Variants in ACSF2 observed in about 807,000 individuals in gnomAD.
ACSF2 encodes the protein medium-chain acyl-CoA ligase ACSF2, mitochondrial.
ACSF2 carries 52 observed loss-of-function variants against 79.3 expected under a neutral mutation model. That is an observed-to-expected ratio of 0.66 (90% CI 0.53 to 0.83). The LOEUF (loss-of-function observed/expected upper bound fraction) is 0.83, where lower values mean the gene tolerates loss of function less well. Among genes scored for constraint, ACSF2 ranks in the 40% least tolerant of loss-of-function variants. The pLI, the probability that ACSF2 is intolerant of heterozygous loss-of-function variation, is 0.00. For missense variants in ACSF2, 661 were observed against 803.3 expected (o/e 0.82, Z 2.14); for synonymous variants, 283 against 312.6 (o/e 0.91, Z 1.00).
chr17:50,438,581 T>G (rs958216241), intron 1 of ACSF2, among the ~76,000 whole-genome samples: 21 of 152,144 alleles, frequency 1.4e-4, no homozygotes, highest in African/African-American at 3.1e-4. Flanking sequence ...TTCTTTTTTT[T>G]TGGGAGATGG....
chr17:50,439,131 C>T (rs1054556574), intron 1 of ACSF2, among the ~76,000 whole-genome samples: 1 of 149,758 alleles, frequency 6.7e-6, no homozygotes, highest in Non-Finnish European at 1.5e-5. Flanking sequence ...AGTGCAATGA[C>T]GCCATCATGG....
intron 10 of ACSF2, chr17:50,468,053 GTGT>G: frequency 6.3e-7 from 1 of 1,593,976 alleles, no homozygotes; most frequent in East Asian, 2.2e-5. Flanking sequence ...CTCCAGGTTG[GTGT>G]TGTCCAGCCA....
rs1388438677 is a variant in ACSF2, at chr17:50,474,138, T to A, written c.1729-61T>A. On this transcript the variant is annotated intron_variant, in intron 14 of 15. Coordinates refer to ENST00000300441, the MANE Select transcript of ACSF2 (RefSeq NM_025149.6). This position sits in a 1 kb window ranked among gnomAD's most constrained non-coding sequence, Gnocchi z 4.2. Reference sequence around the variant, plus strand: ...CTGGCCAGGCCAGCCCCTGGTCCCCTACCCATACCCCTGTGAGCTTGCGCA... The same window carrying A: ...CTGGCCAGGCCAGCCCCTGGTCCCCAACCCATACCCCTGTGAGCTTGCGCA... 1.9e-6 allele frequency: 3 copies of A among 1,606,744 alleles called. No individual in the cohort carries two copies. The highest frequency in any genetic ancestry group is 2.6e-6 in the Non-Finnish European group (3 of 1,173,394).
intron 1 of ACSF2, among the ~76,000 whole-genome samples, chr17:50,451,505 A>G (rs2059146207): frequency 6.6e-6 from 1 of 152,142 alleles, no homozygotes; most frequent in African/African-American, 2.4e-5. Context: ...GCTGGAGTGC[A>G]ATGGCACAAT....
chr17:50,443,068 C>G (rs910538031), intron 1 of ACSF2, among the ~76,000 whole-genome samples: 15 of 152,070 alleles, frequency 9.9e-5, no homozygotes, highest in Non-Finnish European at 1.8e-4. Context: ...CGCCACCATG[C>G]CCGGCTAATT....
intron 10 of ACSF2, chr17:50,469,863 C>G (rs1003741037): frequency 2.0e-5 from 3 of 152,308 alleles, no homozygotes; most frequent in African/African-American, 7.2e-5. Context: ...CTGGACGGCT[C>G]TGGCTGCCAG....
At chr17:50,443,070 C>T (rs2031052776) in intron 1 of ACSF2, among the ~76,000 whole-genome samples, 3 of 152,014 alleles carry the variant, frequency 2.0e-5, no homozygotes, top group Admixed American at 6.6e-5. Context: ...CCACCATGCC[C>T]GGCTAATTTT....
chr17:50,471,089 T>C lies in ACSF2; in HGVS notation c.1277T>C (p.Val426Ala). ...VTFAHFPEDTVEQKAESVGRI... is the reference protein window; with the variant it reads ...VTFAHFPEDTAEQKAESVGRI... ...TTCGCGCACTTCCCTGAGGACACTG[T>C]GGAGCAGAAGGCAGAAAGCGTGGGC... The change falls in exon 11 of 16, where the codon GTG (valine) becomes GCG (alanine). Residue 426 changes from valine to alanine, a missense_variant. Val to Ala is a moderately conservative substitution (Grantham distance 64). Transcript: ENST00000300441. The surrounding 1 kb of genome is among the most constrained non-coding windows in gnomAD (Gnocchi z 4.1). The C allele has an allele frequency of 6.2e-7, 1 of 1,613,846 alleles. No homozygotes were observed. Among genetic ancestry groups the C allele is most frequent in the Non-Finnish European group, 8.5e-7 (1 of 1,179,966 alleles).
rs199678954 is a variant in ACSF2, at chr17:50,462,494, C to T, written c.701C>T (p.Ala234Val). 404 of 1,613,852 alleles carry T rather than the reference C, an allele frequency of 2.5e-4. 1 individual carries two copies. Among genetic ancestry groups the T allele is most frequent in the Non-Finnish European group, 2.9e-4 (346 of 1,179,980 alleles). Residue 234 changes from alanine to valine, a missense_variant, in exon 6 of 16, where the codon GCG becomes GTG. By Grantham distance (64) the Ala-to-Val change is moderately conservative. Transcript: ENST00000300441. ...ACCCTGCTCCTGGATGAAGTGGTGG[C>T]GGCTGGCAGCACACGGCAGCATCTG... ...PGTLLLDEVV[A>V]AGSTRQHLDQ...
chr17:50,468,250 G>A (rs1234333381), intron 10 of ACSF2: 6 of 1,611,642 alleles, frequency 3.7e-6, no homozygotes, highest in South Asian at 3.3e-5. Context: ...CCAGGGCCCC[G>A]GGCTGCAGGG....
At position 50,471,102 on chromosome 17, in the gene ACSF2, A is replaced by C; in HGVS notation, c.1290A>C (p.Ala430=). The C allele has an allele frequency of 6.2e-7, 1 of 1,614,072 alleles. No homozygotes were observed. ...HFPEDTVEQK[A]ESVGRIMPHT... is the part of the protein sequence containing the mutation. Reference sequence around the variant, plus strand: ...CTGAGGACACTGTGGAGCAGAAGGCAGAAAGCGTGGGCAGAATTATGCCTC... The same window carrying C: ...CTGAGGACACTGTGGAGCAGAAGGCCGAAAGCGTGGGCAGAATTATGCCTC... The change falls in exon 11 of 16, where the codon GCA becomes GCC. Residue 430 remains alanine, a synonymous_variant. Transcript: ENST00000300441. The surrounding 1 kb of genome is among the most constrained non-coding windows in gnomAD (Gnocchi z 4.1).
intron 1 of ACSF2, among the ~76,000 whole-genome samples, chr17:50,439,860 T>G (rs2030753318): frequency 6.6e-6 from 1 of 152,156 alleles, no homozygotes; most frequent in Non-Finnish European, 1.5e-5. Context: ...CGTTGTGGTT[T>G]TAATTTATAC....
rs1444828607 is a variant in ACSF2 at position 50,471,578 on chromosome 17, G to A, written c.1323+443G>A. ...CCCAAGCAGCCTATCCCTTTGGGGCGGTCCCTTTGCCCCTCAAAGGTTGCC... is the reference window on the plus strand; with the variant it reads ...CCCAAGCAGCCTATCCCTTTGGGGCAGTCCCTTTGCCCCTCAAAGGTTGCC... On this transcript the variant is annotated intron_variant, in intron 11 of 15. Coordinates refer to ENST00000300441, the MANE Select transcript of ACSF2 (RefSeq NM_025149.6). This position sits in a 1 kb window ranked among gnomAD's most constrained non-coding sequence, Gnocchi z 4.1. 14 of 183,794 alleles carry A rather than the reference G, an allele frequency of 7.6e-5. No individual in the cohort carries two copies. The highest frequency in any genetic ancestry group is 1.4e-4 in the East Asian group (1 of 7,316). The allele number at this position is 183,794 out of a possible 1,614,324, so 11.4% of individuals were successfully genotyped here. A position where few individuals can be genotyped will look rare whatever the true frequency, so the allele number is the denominator to read the frequency against.
chr17:50,473,623 A>G, intron 12 of ACSF2, 42 bp from the exon 13 acceptor site: 19 of 1,613,194 alleles, frequency 1.2e-5, no homozygotes, highest in Non-Finnish European at 1.6e-5. Flanking sequence ...AAGTGAGTGA[A>G]CAAGGCAGAG....
intron 1 of ACSF2, among the ~76,000 whole-genome samples, chr17:50,451,608 C>T (rs1481146957): frequency 6.6e-6 from 1 of 152,194 alleles, no homozygotes; most frequent in East Asian, 1.9e-4. Context: ...CATAACCACA[C>T]CCGGCTAATT....
In ACSF2 at chr17:50,441,235, T is replaced by C. The variant is rs542878690; in HGVS notation, c.128+14846T>C. On this transcript the variant is annotated intron_variant, in intron 1 of 15. Transcript: ENST00000300441. ...ACACCCAGGCTGTGCAGTGGCACGA[T>C]GTCGGCTCACTGCAGCCTTGATCTC... Among the ~76,000 whole-genome samples the C allele has an allele frequency of 2.0e-5, 3 of 152,392 alleles. No individual in the cohort carries two copies. The East Asian group carries it at 5.8e-4, about 29-fold the overall frequency.
intron 1 of ACSF2, among the ~76,000 whole-genome samples, chr17:50,445,276 T>G (rs1344811458): frequency 6.6e-6 from 1 of 152,150 alleles, no homozygotes; most frequent in African/African-American, 2.4e-5. Context: ...AACTTTTTCA[T>G]CTCAGTGTTC....
intron 4 of ACSF2, among the ~76,000 whole-genome samples, 183 bp from the exon 5 acceptor site, chr17:50,462,001 T>C (rs1157860095): frequency 6.6e-6 from 1 of 151,556 alleles, no homozygotes; most frequent in South Asian, 2.1e-4. Context: ...GGGTGTGGTG[T>C]GTGTGTCTCG....
chr17:50,461,719 G>A, intron 4 of ACSF2, 33 bp downstream of exon 4: 1 of 1,613,114 alleles, frequency 6.2e-7, no homozygotes, highest in South Asian at 1.1e-5. Flanking sequence ...GGGCCCGGCT[G>A]GGGCCTGGCA....
Sources: allele counts gnomAD v4.1 joint callset (sites outside exome capture counted in the v4.1 genomes callset), GRCh38; gene constraint gnomAD v4.1.1; non-coding constraint Gnocchi (gnomAD v3.1); transcripts MANE v1.5; gene names NCBI Gene and HGNC (gene_info 2026-07-23, HGNC 2026-07-21).